The following GLI3 variants were observed in gnomAD, a reference collection of about 807,000 sequenced individuals.
GLI3 encodes the protein GLI family zinc finger 3, also known as transcription activator GLI3.
Under a neutral mutation model 100.8 loss-of-function variants are expected in GLI3, and 20 were observed. The ratio of observed to expected loss-of-function variants is 0.20; its 90% CI spans 0.14 to 0.29. GLI3 has a LOEUF of 0.29. Ranked by LOEUF, GLI3 falls within the 10% of genes least tolerant of loss-of-function variation. The pLI, the probability that GLI3 is intolerant of heterozygous loss-of-function variation, is 1.00. For missense variants in GLI3, 2,040 were observed against 2,128.5 expected (o/e 0.96, Z 0.82); for synonymous variants, 938 against 860.5 (o/e 1.09, Z -1.58).
intron 2 of GLI3, among the ~76,000 whole-genome samples, chr7:42,193,715 G>C (rs555780218): frequency 6.6e-6 from 1 of 152,130 alleles, no homozygotes; most frequent in East Asian, 1.9e-4. Context: ...TGGTTTCCTG[G>C]ATATAAATCA....
chr7:42,262,024 CTCTCTCTT>C (rs1789147184), intron 1 of GLI3, among the ~76,000 whole-genome samples: 3 of 122,388 alleles, frequency 2.5e-5, no homozygotes, highest in Admixed American at 8.5e-5. Flanking sequence ...CTTCCTCTCT[CTCTCTCTT>C]TCTTTCTTTC....
At chr7:42,199,064 C>A (rs778684066) in intron 2 of GLI3, among the ~76,000 whole-genome samples, 1 of 151,054 alleles carries the variant, frequency 6.6e-6, no homozygotes, top group Non-Finnish European at 1.5e-5. Context: ...CAGTTAACAA[C>A]GAGAAACAAA....
intron 3 of GLI3, among the ~76,000 whole-genome samples, chr7:42,080,629 G>A (rs1038785089): frequency 6.6e-6 from 1 of 152,152 alleles, no homozygotes; most frequent in African/African-American, 2.4e-5. Context: ...AATTCAAGAC[G>A]TGCTTGACTA....
chr7:42,257,332 T>C (rs1789094764), intron 1 of GLI3, among the ~76,000 whole-genome samples: 1 of 151,672 alleles, frequency 6.6e-6, no homozygotes, highest in African/African-American at 2.4e-5. Context: ...AGGCCCCTGA[T>C]ATTAGGTGGA....
At chr7:42,078,671 A>G (rs1784932087) in intron 3 of GLI3, among the ~76,000 whole-genome samples, 1 of 152,028 alleles carries the variant, frequency 6.6e-6, no homozygotes, top group South Asian at 2.1e-4. Context: ...GATATACAAC[A>G]ATGCTGAAAA....
chr7:41,980,351 G>T (rs1027625187), intron 10 of GLI3, among the ~76,000 whole-genome samples: 1 of 152,188 alleles, frequency 6.6e-6, no homozygotes, highest in Admixed American at 6.5e-5. Context: ...CGTTCAATCC[G>T]CACGTCTGCT....
chr7:42,086,814 T>C (rs1281434521), intron 3 of GLI3, among the ~76,000 whole-genome samples: 1 of 152,284 alleles, frequency 6.6e-6, no homozygotes, highest in East Asian at 1.9e-4. Context: ...ACCCGCATCA[T>C]GTCCTCCCCA....
chr7:42,086,195 C>T (rs558595252), intron 3 of GLI3, among the ~76,000 whole-genome samples: 1 of 152,102 alleles, frequency 6.6e-6, no homozygotes, highest in Non-Finnish European at 1.5e-5. Flanking sequence ...TTTAGATTCA[C>T]CTCATTTATT....
intron 2 of GLI3, among the ~76,000 whole-genome samples, chr7:42,163,577 C>T (rs189839164): frequency 6.6e-4 from 101 of 152,004 alleles, no homozygotes; most frequent in Admixed American, 4.8e-3. Flanking sequence ...TACAGGCGCC[C>T]GCCAGCACAC....
At position 42,092,785 on chromosome 7, in the gene GLI3, T is replaced by TTTTATTTATTTATTTA. The variant is rs201707528; in HGVS notation, c.368-15944_368-15929dup. On this transcript the variant is annotated intron_variant, in intron 3 of 14. Transcript: ENST00000395925. The stretch of plus-strand genomic sequence containing the variant: ...GGGGCTCATCTTTTATTTTATTTCA[T>TTTTATTTATTTATTTA]TTTATTTATTTATTTATTTATTTAT... Among the ~76,000 whole-genome samples, 751 of 145,480 alleles carry TTTTATTTATTTATTTA rather than the reference T, an allele frequency of 5.2e-3. 8 individuals are homozygous for TTTTATTTATTTATTTA. Among genetic ancestry groups the TTTTATTTATTTATTTA allele is most frequent in the African/African-American group, 0.018 (714 of 38,918 alleles).
chr7:42,224,857 T>C (rs1252456867), intron 1 of GLI3, among the ~76,000 whole-genome samples: 1 of 152,252 alleles, frequency 6.6e-6, no homozygotes, highest in Non-Finnish European at 1.5e-5. Context: ...TGATCTCATC[T>C]GTCAAATGAC....
At chr7:42,025,428 G>C (rs1351580447) in intron 8 of GLI3, 51 bp from the exon 9 acceptor site, 1 of 1,334,654 alleles carries the variant, frequency 7.5e-7, no homozygotes, top group Non-Finnish European at 1.1e-6. Context: ...CATCAACAAG[G>C]AGCAGTACCA....
At chr7:42,212,877 G>A (rs569426893) in intron 2 of GLI3, among the ~76,000 whole-genome samples, 4 of 152,326 alleles carry the variant, frequency 2.6e-5, no homozygotes, top group East Asian at 3.9e-4. Flanking sequence ...AACAGAGAGC[G>A]CATTCCAGAG....
At chr7:42,197,811 C>T (rs1020297941) in intron 2 of GLI3, among the ~76,000 whole-genome samples, 2 of 152,152 alleles carry the variant, frequency 1.3e-5, no homozygotes, top group Non-Finnish European at 2.9e-5. Flanking sequence ...TGTGCAAATC[C>T]CTGAAAATTC....
chr7:42,246,805 C>CTTTTTTTTTTTTTT lies in GLI3; in HGVS notation c.-43+17175_-43+17188dup, dbSNP rs71006467. ...TTAAAGGCTCATTGGATGATAGAAT[C>CTTTTTTTTTTTTTT]TTTTTTTTTTTTTTTTTTTTTTTTT... On this transcript the variant is annotated intron_variant, in intron 1 of 2. Coordinates refer to the GLI3 transcript ENST00000678978. Among the ~76,000 whole-genome samples, 110 of 94,948 alleles carry CTTTTTTTTTTTTTT rather than the reference C, an allele frequency of 1.2e-3. 8 individuals carry two copies. Among genetic ancestry groups the CTTTTTTTTTTTTTT allele is most frequent in the African/African-American group, 4.4e-3 (102 of 23,000 alleles). The allele number at this position is 94,948 out of a possible 152,430, so 62.3% of individuals were successfully genotyped here. A position where few individuals can be genotyped will look rare whatever the true frequency, so the allele number is the denominator to read the frequency against.
At chr7:42,141,623 G>T (rs1176470875) in intron 3 of GLI3, among the ~76,000 whole-genome samples, 1 of 152,124 alleles carries the variant, frequency 6.6e-6, no homozygotes, top group African/African-American at 2.4e-5. Context: ...GGTGAGCCAA[G>T]ATCGCACCAC....
At chr7:42,038,333 C>T (rs1005318372) in intron 7 of GLI3, among the ~76,000 whole-genome samples, 1 of 152,192 alleles carries the variant, frequency 6.6e-6, no homozygotes, top group Non-Finnish European at 1.5e-5. Flanking sequence ...AGCTCAGCTC[C>T]CCCTGAAACT....
intron 1 of GLI3, among the ~76,000 whole-genome samples, chr7:42,248,665 A>G (rs2128710044): frequency 6.6e-6 from 1 of 152,354 alleles, no homozygotes; most frequent in Admixed American, 6.5e-5. Flanking sequence ...ATATGCATAT[A>G]GTAGATGGAA....
intron 7 of GLI3, among the ~76,000 whole-genome samples, chr7:42,030,844 G>A (rs846283): frequency 0.52 from 78,284 of 151,516 alleles, 21,477 homozygotes; most frequent in African/African-American, 0.72. Flanking sequence ...TCAGCCTCCC[G>A]AGCAGCTGGG....
Sources: allele counts gnomAD v4.1 joint callset (sites outside exome capture counted in the v4.1 genomes callset), GRCh38; gene constraint gnomAD v4.1.1; transcripts MANE v1.5; gene names NCBI Gene and HGNC (gene_info 2026-07-23, HGNC 2026-07-21).